PSMB5: variants seen among roughly 807,000 people sequenced by gnomAD.
The protein encoded by PSMB5 is proteasome subunit beta type-5.
A neutral mutation model predicts 22.8 loss-of-function variants in PSMB5; 2 were observed. The ratio of observed to expected loss-of-function variants is 0.09; its 90% CI spans 0.04 to 0.28. PSMB5 has a LOEUF of 0.28. Among genes scored for constraint, PSMB5 ranks in the 10% least tolerant of loss-of-function variants. PSMB5 has a pLI of 1.00. For synonymous variants in PSMB5, 133 were observed against 135.3 expected (o/e 0.98, Z 0.12); for missense variants, 269 against 343.8 (o/e 0.78, Z 1.72).
chr14:23,029,041 T>C (rs1164171331), intron 2 of PSMB5, among the ~76,000 whole-genome samples: 1 of 152,230 alleles, frequency 6.6e-6, no homozygotes, highest in African/African-American at 2.4e-5. Flanking sequence ...ACTAGAGTCA[T>C]CTAACAAAGA....
At position 23,034,840 on chromosome 14, in the gene PSMB5, G is replaced by C; in HGVS notation, c.42C>G (p.Asn14Lys). Residue 14 changes from asparagine to lysine, a missense_variant, in exon 1 of 3, where the codon AAC becomes AAG. Around this residue, in one of 3 missense-constraint regions of PSMB5, gnomAD observed 81 missense variants for 70.4 expected, o/e 1.15. Coordinates refer to ENST00000361611, the MANE Select transcript of PSMB5 (RefSeq NM_002797.5). The stretch of plus-strand genomic sequence containing the variant: ...CCCCAAGTCCGAAAAACCCGCGCTG[G>C]TTCACCGGTAGCGGTCTCTCCAACA... ...ASVLERPLPVNQRGFFGLGGR... is the reference protein window; with the variant it reads ...ASVLERPLPVKQRGFFGLGGR... The C allele has an allele frequency of 6.2e-7, 1 of 1,614,230 alleles. No homozygotes were observed. Among genetic ancestry groups the C allele is most frequent in the Non-Finnish European group, 8.5e-7 (1 of 1,180,044 alleles).
chr14:23,034,428 T>G, intron 1 of PSMB5: 4 of 438,072 alleles, frequency 9.1e-6, no homozygotes, highest in African/African-American at 2.0e-5. Flanking sequence ...CAACCTGGGG[T>G]CGCCTAGGAA....
intron 1 of PSMB5, 36 bp from the exon 2 acceptor site, chr14:23,033,710 A>G (rs753345514): frequency 4.5e-6 from 7 of 1,571,250 alleles, no homozygotes; most frequent in East Asian, 4.5e-5. Context: ...AACAGGCCAC[A>G]TAAGACCACA....
At chr14:23,034,653 ACT>A in intron 1 of PSMB5, 29 bp downstream of exon 1, 1 of 1,611,282 alleles carries the variant, frequency 6.2e-7, no homozygotes, top group Non-Finnish European at 8.5e-7. Flanking sequence ...GGCGTTCAGT[ACT>A]CAGCCTGGCA....
intron 2 of PSMB5, among the ~76,000 whole-genome samples, chr14:23,030,819 G>C (rs909719249): frequency 6.6e-5 from 10 of 152,114 alleles, no homozygotes; most frequent in African/African-American, 2.2e-4. Context: ...CCAGCTACTC[G>C]GGAGGCTGAG....
At position 23,033,857 on chromosome 14, in the gene PSMB5, A is replaced by G. The variant is rs141618025; in HGVS notation, c.199-183T>C. Among the ~76,000 whole-genome samples the G allele has an allele frequency of 5.8e-3, 890 of 152,350 alleles. 20 individuals carry two copies. Among genetic ancestry groups the G allele is most frequent in the African/African-American group, 0.021 (853 of 41,572 alleles). Reference sequence around the variant, plus strand: ...CCGAGCTTCACATCAATCCCTTGACATGGATATAACCCATATTAAATTCAT... The same window carrying G: ...CCGAGCTTCACATCAATCCCTTGACGTGGATATAACCCATATTAAATTCAT... On this transcript the variant is annotated intron_variant, in intron 1 of 2. Coordinates refer to ENST00000361611, the MANE Select transcript of PSMB5 (RefSeq NM_002797.5).
At chr14:23,027,788 A>C in intron 2 of PSMB5, 1 of 1,548,830 alleles carries the variant, frequency 6.5e-7, no homozygotes, top group Non-Finnish European at 8.7e-7. Flanking sequence ...CAAAACAAGT[A>C]CATTCCAAAT....
chr14:23,027,424 A>AAT (rs371329531), intron 2 of PSMB5, among the ~76,000 whole-genome samples: 24,316 of 143,424 alleles, frequency 0.17, 2,241 homozygotes, highest in Middle Eastern at 0.27. Context: ...TAAATAAAAT[A>AAT]ATATATATAT....
chr14:23,030,459 A>C (rs535809896), intron 2 of PSMB5, among the ~76,000 whole-genome samples: 81 of 151,932 alleles, frequency 5.3e-4, no homozygotes, highest in African/African-American at 1.9e-3. Context: ...ACTGCACTCC[A>C]GCCTGGGCGA....
At chr14:23,033,194 G>A (rs991473560) in intron 2 of PSMB5, among the ~76,000 whole-genome samples, 174 bp downstream of exon 2, 16 of 150,874 alleles carry the variant, frequency 1.1e-4, no homozygotes, top group African/African-American at 1.7e-4. Context: ...CAGCCTGAGC[G>A]ACAGAATGAG....
chr14:23,035,067 G>T, upstream of PSMB5: 1 of 1,226,918 alleles, frequency 8.2e-7, no homozygotes, highest in Non-Finnish European at 1.1e-6. Context: ...AAGGGGGTCG[G>T]GGAAATAGAT....
At chr14:23,030,881 C>T (rs555062079) in intron 2 of PSMB5, among the ~76,000 whole-genome samples, 4 of 152,150 alleles carry the variant, frequency 2.6e-5, no homozygotes, top group South Asian at 2.1e-4. Context: ...ACTGAGATCG[C>T]GCCATTGCAC....
Position 23,034,801 on chromosome 14 carries a change from C to G in PSMB5, c.81G>C (p.Leu27=). 2.5e-6 allele frequency: 4 copies of G among 1,614,228 alleles called. No individual in the cohort carries two copies. The highest frequency in any genetic ancestry group is 3.4e-6 in the Non-Finnish European group (4 of 1,180,042). The change falls in exon 1 of 3, where the codon CTG becomes CTC. Residue 27 remains leucine, a synonymous_variant. Transcript: ENST00000361611. ...TGAGACTCCCTGGACCTAGATCCAG[C>G]AGATCTGCACGACCCCCAAGTCCGA... The part of the protein sequence containing the change: ...GFFGLGGRAD[L]LDLGPGSLSD...
chr14:23,033,552 G>A lies in PSMB5; in HGVS notation c.321C>T (p.Gly107=), dbSNP rs780564176. The part of the protein sequence containing the change: ...NPYLLGTMAG[G]AADCSFWERL... ...GTTCCCAGAAGCTGCAATCCGCTGC[G>A]CCCCCAGCCATGGTGCCTAGCAGGT... Residue 107 remains glycine (G), a synonymous_variant, in exon 2 of 3, where the codon GGC becomes GGT. Coordinates refer to ENST00000361611, the MANE Select transcript of PSMB5 (RefSeq NM_002797.5). The A allele has an allele frequency of 6.2e-6, 10 of 1,613,972 alleles. No individual in the cohort carries two copies. In the East Asian group the frequency reaches 6.7e-5, roughly 11 times the overall value.
rs202216566 is a variant in PSMB5, at chr14:23,026,110, C to T, written c.771G>A (p.Lys257=). 9.9e-6 allele frequency: 16 copies of T among 1,614,188 alleles called. No individual in the cohort carries two copies. The East Asian group carries it at 1.1e-4, about 11-fold the overall frequency. The change falls in exon 3 of 3, where the codon AAG becomes AAA. Residue 257 remains lysine, a synonymous_variant. Transcript: ENST00000361611. The part of the protein sequence containing the change: ...SSDNVADLHE[K]YSGSTP ...TCTTTCAGGGGGTAGAGCCACTATACTTCTCATGTAGATCAGCCACATTGT... is the reference window on the plus strand; with the variant it reads ...TCTTTCAGGGGGTAGAGCCACTATATTTCTCATGTAGATCAGCCACATTGT...
Position 23,026,095 on chromosome 14 carries a change from G to C in PSMB5, c.786C>G (p.Thr262=). 1 of 1,614,006 alleles carries C rather than the reference G, an allele frequency of 6.2e-7. No individual in the cohort carries two copies. Residue 262 remains threonine, a synonymous_variant, in exon 3 of 3, where the codon ACC becomes ACG. Transcript: ENST00000361611. The part of the protein sequence containing the change: ...ADLHEKYSGS[T]P ...CAGCTGCATCCACCCTCTTTCAGGG[G>C]GTAGAGCCACTATACTTCTCATGTA...
intron 2 of PSMB5, among the ~76,000 whole-genome samples, chr14:23,033,090 A>G (rs2046965382): frequency 6.6e-6 from 1 of 151,430 alleles, no homozygotes. Context: ...TATTTTTAGT[A>G]GAGATGGGGT....
chr14:23,032,313 G>A (rs986968216), intron 2 of PSMB5, among the ~76,000 whole-genome samples: 1 of 151,858 alleles, frequency 6.6e-6, no homozygotes, highest in Non-Finnish European at 1.5e-5. Context: ...GCATGCTGGT[G>A]GGCGCTTGTA....
At chr14:23,034,627 G>A in intron 1 of PSMB5, 57 bp downstream of exon 1, 2 of 1,585,092 alleles carry the variant, frequency 1.3e-6, no homozygotes, top group Non-Finnish European at 8.6e-7. Context: ...CAGGCTGGGA[G>A]GCCAGGCAAG....
Sources: gnomAD v4.1 joint callset for allele counts (sites outside exome capture counted in the v4.1 genomes callset) on GRCh38, gnomAD v4.1.1 for gene constraint, gnomAD v4.1.1 regional missense constraint, MANE v1.5 for transcripts, NCBI Gene and HGNC (gene_info 2026-07-23, HGNC 2026-07-21) for gene names.